Variants in NUMB observed in about 807,000 individuals in gnomAD.
NUMB encodes NUMB endocytic adaptor protein.
In NUMB, 29 loss-of-function variants were observed where a neutral mutation model predicts 59.7. The ratio of observed to expected loss-of-function variants is 0.49; its 90% CI spans 0.36 to 0.66. The LOEUF (loss-of-function observed/expected upper bound fraction) is 0.66. Ranked by LOEUF, NUMB falls within the 30% of genes least tolerant of loss-of-function variation. NUMB has a pLI of 0.00. For missense variants in NUMB, 723 were observed against 822.0 expected (o/e 0.88, Z 1.47); for synonymous variants, 288 against 288.2 (o/e 1.00, Z 0.01).
chr14:73,294,359 C>T (rs1889615787), intron 7 of NUMB, among the ~76,000 whole-genome samples: 1 of 152,140 alleles, frequency 6.6e-6, no homozygotes, highest in African/African-American at 2.4e-5. Flanking sequence ...GTGCATGTCA[C>T]CATACGTAGG....
At position 73,324,912 on chromosome 14, in the gene NUMB, T is replaced by C. The variant is rs115963119; in HGVS notation, c.127-1708A>G. Reference sequence around the variant, plus strand: ...CAAGTCCTTTTAATTATCAGGCCAATAGAGACATTAAGATGAGACTGCAAT... The same window carrying C: ...CAAGTCCTTTTAATTATCAGGCCAACAGAGACATTAAGATGAGACTGCAAT... On this transcript the variant is annotated intron_variant, in intron 4 of 12. Coordinates refer to ENST00000555238, the MANE Select transcript of NUMB (RefSeq NM_001005743.2). Among the ~76,000 whole-genome samples the C allele has an allele frequency of 6.5e-3, 994 of 152,234 alleles. 11 individuals carry two copies. The highest frequency in any genetic ancestry group is 0.022 in the African/African-American group (924 of 41,538).
At chr14:73,319,638 T>C (rs766268730) in intron 5 of NUMB, among the ~76,000 whole-genome samples, 1 of 152,290 alleles carries the variant, frequency 6.6e-6, no homozygotes, top group Middle Eastern at 3.4e-3. Flanking sequence ...AAGTAGGTTG[T>C]AGATCCCCAG....
At chr14:73,314,857 T>C (rs1462714946) in intron 6 of NUMB, among the ~76,000 whole-genome samples, 1 of 152,008 alleles carries the variant, frequency 6.6e-6, no homozygotes, top group African/African-American at 2.4e-5. Flanking sequence ...AAAAAACAAA[T>C]ACACCACAAA....
chr14:73,430,346 G>A (rs191066189), intron 1 of NUMB, among the ~76,000 whole-genome samples: 2 of 152,092 alleles, frequency 1.3e-5, no homozygotes, highest in Admixed American at 1.3e-4. Context: ...TAAGGGTTTT[G>A]GGGCCAGGGG....
chr14:73,294,417 G>A (rs889873188), intron 7 of NUMB, among the ~76,000 whole-genome samples: 1 of 152,138 alleles, frequency 6.6e-6, no homozygotes, highest in South Asian at 2.1e-4. Flanking sequence ...TTTGGAGTCT[G>A]CCTTGAATCT....
intron 4 of NUMB, among the ~76,000 whole-genome samples, chr14:73,337,877 A>G (rs551752156): frequency 4.1e-4 from 62 of 152,328 alleles, no homozygotes; most frequent in African/African-American, 1.5e-3. Context: ...CATTTACAAC[A>G]GCATCAAAAC....
intron 1 of NUMB, among the ~76,000 whole-genome samples, chr14:73,420,279 G>C (rs1337443869): frequency 2.6e-5 from 4 of 152,164 alleles, no homozygotes; most frequent in African/African-American, 9.7e-5. Flanking sequence ...TATAAGCAAA[G>C]GAAAGCCAGG....
At chr14:73,334,100 G>A (rs1892153360) in intron 4 of NUMB, among the ~76,000 whole-genome samples, 1 of 151,576 alleles carries the variant, frequency 6.6e-6, no homozygotes, top group Non-Finnish European at 1.5e-5. Context: ...TTCCCAGGCT[G>A]GAGTATAATG....
Position 73,352,511 on chromosome 14 carries a change from TATATATATATATATA to T in NUMB, c.126+3100_126+3114del, listed in dbSNP as rs1566756301. On this transcript the variant is annotated intron_variant, in intron 4 of 12. Coordinates refer to ENST00000555238, the MANE Select transcript of NUMB (RefSeq NM_001005743.2). ...ATATATATATATATATATATATATA[TATATATATATATATA>T]TATGTTTTTTTTTTTTTTTTTTTTT... 8.4e-3 allele frequency among the ~76,000 whole-genome samples: 166 copies of T among 19,750 alleles called. 17 individuals are homozygous for T. The highest frequency in any genetic ancestry group is 0.011 in the Non-Finnish European group (139 of 12,926). 13.0% of individuals were successfully genotyped at this position (19,750 alleles called of 152,430 possible). A position where few individuals can be genotyped will look rare whatever the true frequency, so the allele number is the denominator to read the frequency against.
intron 1 of NUMB, among the ~76,000 whole-genome samples, chr14:73,411,264 G>T (rs1027571957): frequency 6.6e-6 from 1 of 152,166 alleles, no homozygotes; most frequent in Non-Finnish European, 1.5e-5. Context: ...ATGTTGCGCA[G>T]GCTGAATGAA....
intron 4 of NUMB, among the ~76,000 whole-genome samples, chr14:73,335,561 T>G (rs897464134): frequency 1.3e-5 from 2 of 152,208 alleles, no homozygotes; most frequent in African/African-American, 4.8e-5. Flanking sequence ...GTATGCCTTT[T>G]CCAAACTCCT....
At chr14:73,438,139 A>G (rs1237618954) in intron 1 of NUMB, among the ~76,000 whole-genome samples, 1 of 152,216 alleles carries the variant, frequency 6.6e-6, no homozygotes, top group Non-Finnish European at 1.5e-5. Flanking sequence ...AGAGCTCTAG[A>G]AATGTTAATA....
rs1213101880 is a variant in NUMB, at chr14:73,447,719, A to G, written c.-233+10774T>C. On this transcript the variant is annotated intron_variant, in intron 1 of 12. Coordinates refer to ENST00000555238, the MANE Select transcript of NUMB (RefSeq NM_001005743.2). ...AAAAATAAAGAACAACATTTGATGT[A>G]ACATGTTAACATTTTTATAAATGAC... is the stretch of plus-strand genomic sequence containing the variant. 2.0e-5 allele frequency among the ~76,000 whole-genome samples: 3 copies of G among 151,492 alleles called. No homozygotes were observed. In the East Asian group the frequency reaches 5.8e-4, roughly 29 times the overall value.
intron 1 of NUMB, among the ~76,000 whole-genome samples, chr14:73,451,165 A>C (rs1883921469): frequency 6.8e-6 from 1 of 146,794 alleles, no homozygotes; most frequent in African/African-American, 2.5e-5. Context: ...AAAAAAAAAA[A>C]AAAAAAAAAC....
intron 4 of NUMB, among the ~76,000 whole-genome samples, chr14:73,352,902 T>C (rs951739765): frequency 2.0e-5 from 3 of 151,170 alleles, no homozygotes; most frequent in African/African-American, 7.3e-5. Context: ...ACAAGAAGAC[T>C]GTAAAATCCA....
At chr14:73,440,280 T>C (rs911068259) in intron 1 of NUMB, among the ~76,000 whole-genome samples, 2 of 147,918 alleles carry the variant, frequency 1.4e-5, no homozygotes, top group African/African-American at 5.0e-5. Flanking sequence ...CATATATATA[T>C]ACACATCCAT....
At chr14:73,388,316 C>G (rs1281178062) in intron 2 of NUMB, among the ~76,000 whole-genome samples, 2 of 152,082 alleles carry the variant, frequency 1.3e-5, no homozygotes, top group African/African-American at 4.8e-5. Context: ...ATTAAGAATT[C>G]TAATAGAAGA....
At chr14:73,301,192 T>C (rs1190898767) in intron 6 of NUMB, among the ~76,000 whole-genome samples, 2 of 152,212 alleles carry the variant, frequency 1.3e-5, no homozygotes, top group African/African-American at 2.4e-5. Context: ...AGGAGACAGC[T>C]GACCAGTGAT....
At chr14:73,313,668 G>GAAAAAAAAA (rs10582204) in intron 6 of NUMB, among the ~76,000 whole-genome samples, 69 of 124,096 alleles carry the variant, frequency 5.6e-4, no homozygotes, top group South Asian at 4.3e-3. Flanking sequence ...TCCAAAATCT[G>GAAAAAAAAA]AAAAAAAAAA....
Sources: gnomAD v4.1 joint callset for allele counts (sites outside exome capture counted in the v4.1 genomes callset) on GRCh38, gnomAD v4.1.1 for gene constraint, MANE v1.5 for transcripts, NCBI Gene and HGNC (gene_info 2026-07-23, HGNC 2026-07-21) for gene names.